The following IGSF11 variants were observed in gnomAD, a reference collection of about 807,000 sequenced individuals.
IGSF11 encodes the protein CXADR like 1.
A neutral mutation model predicts 41.0 loss-of-function variants in IGSF11; 22 were observed. That is an observed-to-expected ratio of 0.54 (90% CI 0.38 to 0.77). IGSF11 has a LOEUF of 0.77. IGSF11 is among the 30% of genes least tolerant of loss of function. The probability of loss-of-function intolerance (pLI) is 0.00; values close to 1 mark genes in which losing one functional copy is unlikely to be tolerated. For missense variants in IGSF11, 444 were observed against 530.8 expected (o/e 0.84, Z 1.61); for synonymous variants, 219 against 201.3 (o/e 1.09, Z -0.74).
intron 1 of IGSF11, among the ~76,000 whole-genome samples, chr3:119,065,102 T>C (rs1942181368): frequency 6.6e-6 from 1 of 152,214 alleles, no homozygotes; most frequent in Non-Finnish European, 1.5e-5. Flanking sequence ...GAGAAAGTTT[T>C]GAATATTTTA....
intron 1 of IGSF11, among the ~76,000 whole-genome samples, chr3:119,114,245 C>G (rs1352655794): frequency 6.6e-6 from 1 of 152,212 alleles, no homozygotes; most frequent in African/African-American, 2.4e-5. Context: ...GAATTCGTCC[C>G]CAGAAAATGG....
At chr3:118,993,484 C>T (rs1271691401) in intron 1 of IGSF11, among the ~76,000 whole-genome samples, 2 of 152,128 alleles carry the variant, frequency 1.3e-5, no homozygotes, top group African/African-American at 4.8e-5. Context: ...TCTGTAATTA[C>T]TAAGCAATTC....
chr3:119,142,001 C>A (rs1424633600), intron 1 of IGSF11, among the ~76,000 whole-genome samples: 1 of 151,966 alleles, frequency 6.6e-6, no homozygotes, highest in Non-Finnish European at 1.5e-5. Flanking sequence ...TCTGGCCGGG[C>A]GCGGTGGCTC....
chr3:119,107,462 A>G (rs1488535094), upstream of IGSF11, among the ~76,000 whole-genome samples: 1 of 151,928 alleles, frequency 6.6e-6, no homozygotes, highest in South Asian at 2.1e-4. Context: ...AATTTGTTTG[A>G]GTTCATTGTA....
At chr3:118,974,432 T>C (rs573429247) in intron 1 of IGSF11, among the ~76,000 whole-genome samples, 1 of 152,284 alleles carries the variant, frequency 6.6e-6, no homozygotes, top group South Asian at 2.1e-4. Context: ...CAATTGCAAT[T>C]AAGAAAAGGG....
chr3:118,903,644 C>A (rs777426806), intron 6 of IGSF11, among the ~76,000 whole-genome samples: 29 of 152,222 alleles, frequency 1.9e-4, no homozygotes, highest in African/African-American at 7.0e-4. Flanking sequence ...TTACAACAGT[C>A]TAAAAGAAGT....
At chr3:118,959,874 C>T (rs1018126641) in intron 1 of IGSF11, among the ~76,000 whole-genome samples, 11 of 151,984 alleles carry the variant, frequency 7.2e-5, no homozygotes, top group Admixed American at 3.9e-4. Context: ...GGTGAAACCC[C>T]GCCTCTAAAA....
chr3:119,054,816 G>A (rs1331574639), intron 1 of IGSF11, among the ~76,000 whole-genome samples: 1 of 152,184 alleles, frequency 6.6e-6, no homozygotes, highest in African/African-American at 2.4e-5. Flanking sequence ...TAAAGAAAAT[G>A]TGGTGTGAGA....
intron 1 of IGSF11, among the ~76,000 whole-genome samples, chr3:119,141,771 AT>A (rs1209617767): frequency 6.6e-6 from 1 of 151,984 alleles, no homozygotes; most frequent in East Asian, 1.9e-4. Flanking sequence ...ATTATTGTGA[AT>A]AAATAGCCAA....
intron 1 of IGSF11, among the ~76,000 whole-genome samples, chr3:118,993,627 G>GA (rs1935994939): frequency 6.6e-6 from 1 of 152,028 alleles, no homozygotes; most frequent in Non-Finnish European, 1.5e-5. Context: ...ACTGATGAAT[G>GA]AAAAAATAAA....
chr3:118,987,347 C>G (rs1171993239), intron 1 of IGSF11, among the ~76,000 whole-genome samples: 1 of 152,166 alleles, frequency 6.6e-6, no homozygotes, highest in East Asian at 1.9e-4. Context: ...CACACGACAC[C>G]CACATATATT....
At chr3:119,101,653 A>T (rs756652178) in intron 1 of IGSF11, among the ~76,000 whole-genome samples, 1 of 152,060 alleles carries the variant, frequency 6.6e-6, no homozygotes, top group Non-Finnish European at 1.5e-5. Flanking sequence ...GTTCCAATTA[A>T]TGGGAACTTC....
intron 1 of IGSF11, among the ~76,000 whole-genome samples, chr3:118,971,797 C>T (rs1477472562): frequency 3.7e-5 from 5 of 135,076 alleles, no homozygotes; most frequent in East Asian, 4.1e-4. Flanking sequence ...AGGGAGACTC[C>T]GTCTCAAAAA....
At chr3:119,080,745 C>T (rs4435634) in intron 1 of IGSF11, among the ~76,000 whole-genome samples, 51,990 of 151,946 alleles carry the variant, frequency 0.34, 8,981 homozygotes, top group Middle Eastern at 0.4. Flanking sequence ...AACCAAAGAG[C>T]ACAATTATTA....
Position 118,928,667 on chromosome 3 carries a change from T to C in IGSF11, c.266A>G (p.His89Arg). The C allele has an allele frequency of 6.2e-7, 1 of 1,614,038 alleles. No individual in the cohort carries two copies. Among genetic ancestry groups the C allele is most frequent in the Non-Finnish European group, 8.5e-7 (1 of 1,179,984 alleles). ...GGTGCCTGTAAATCCTACCCTACCG[T>C]GGAACCGGGGGGCACCATCAAACAT... Reference protein sequence around the residue: ...GQMFDGAPRFHGRVGFTGTMP... With the variant: ...GQMFDGAPRFRGRVGFTGTMP... Residue 89 changes from histidine (H) to arginine (R), a missense_variant, in exon 3 of 7, where the codon CAC (histidine) becomes CGC (arginine). His to Arg is a conservative substitution (Grantham distance 29). Around this residue, in one of 3 missense-constraint regions of IGSF11, gnomAD observed 193 missense variants for 283.5 expected, o/e 0.68. Coordinates refer to ENST00000393775, the MANE Select transcript of IGSF11 (RefSeq NM_001015887.3).
chr3:119,101,601 C>G (rs139199413), intron 1 of IGSF11, among the ~76,000 whole-genome samples: 280 of 152,296 alleles, frequency 1.8e-3, no homozygotes, highest in African/African-American at 6.2e-3. Context: ...CCTTCCTTCC[C>G]CTGAGCTATA....
chr3:119,139,647 C>T (rs1363060077), intron 1 of IGSF11, among the ~76,000 whole-genome samples: 1 of 152,168 alleles, frequency 6.6e-6, no homozygotes, highest in Non-Finnish European at 1.5e-5. Context: ...CATTAAACCT[C>T]TTTATTTTGT....
intron 1 of IGSF11, among the ~76,000 whole-genome samples, chr3:119,016,684 AT>A (rs1364032809): frequency 6.6e-6 from 1 of 152,148 alleles, no homozygotes; most frequent in Non-Finnish European, 1.5e-5. Context: ...TGGCATCCAA[AT>A]TTAACCCACG....
At chr3:119,082,767 TA>T (rs1192401614) in intron 1 of IGSF11, among the ~76,000 whole-genome samples, 1 of 152,212 alleles carries the variant, frequency 6.6e-6, no homozygotes, top group Non-Finnish European at 1.5e-5. Context: ...AACAAAAAAT[TA>T]AACTTTACTG....
Sources: gnomAD v4.1 joint callset for allele counts (sites outside exome capture counted in the v4.1 genomes callset) on GRCh38, gnomAD v4.1.1 for gene constraint, gnomAD v4.1.1 regional missense constraint, MANE v1.5 for transcripts, NCBI Gene and HGNC (gene_info 2026-07-23, HGNC 2026-07-21) for gene names.